Variants in FBXW7 observed in about 807,000 individuals in gnomAD.
The protein encoded by FBXW7 is F-box and WD repeat domain containing 7.
FBXW7 carries 11 observed loss-of-function variants against 86.3 expected under a neutral mutation model. The ratio of observed to expected loss-of-function variants is 0.13; its 90% CI spans 0.08 to 0.21. The LOEUF (loss-of-function observed/expected upper bound fraction) is 0.21, where lower values mean the gene tolerates loss of function less well. Ranked by LOEUF, FBXW7 falls within the 10% of genes least tolerant of loss-of-function variation. The pLI is 1.00. For synonymous variants in FBXW7, 313 were observed against 297.9 expected (o/e 1.05, Z -0.52); for missense variants, 488 against 847.4 (o/e 0.58, Z 5.27).
At chr4:152,380,691 T>C (rs1385200954) in intron 4 of FBXW7, among the ~76,000 whole-genome samples, 2 of 151,962 alleles carry the variant, frequency 1.3e-5, no homozygotes, top group Non-Finnish European at 2.9e-5. Context: ...AGACAGGAAA[T>C]ATATACTGTA....
intron 2 of FBXW7, among the ~76,000 whole-genome samples, chr4:152,446,923 C>T (rs1037850685): frequency 2.0e-5 from 3 of 152,114 alleles, no homozygotes; most frequent in Admixed American, 1.3e-4. Flanking sequence ...TCAGTGTTCA[C>T]AGAAGGGTTT....
chr4:152,338,591 T>C (rs1051223943), intron 6 of FBXW7, among the ~76,000 whole-genome samples: 3 of 152,118 alleles, frequency 2.0e-5, no homozygotes, highest in East Asian at 1.9e-4. Context: ...AGATACACTA[T>C]AAAAACACAA....
At chr4:152,402,557 A>G (rs147690287) in intron 4 of FBXW7, among the ~76,000 whole-genome samples, 1 of 152,210 alleles carries the variant, frequency 6.6e-6, no homozygotes, top group Non-Finnish European at 1.5e-5. Context: ...CAAAAGTACA[A>G]CCGGGACCCA....
intron 2 of FBXW7, among the ~76,000 whole-genome samples, chr4:152,521,334 T>C (rs1399173953): frequency 6.6e-6 from 1 of 152,082 alleles, no homozygotes; most frequent in Non-Finnish European, 1.5e-5. Flanking sequence ...GAGACAAATG[T>C]TTCCCAGATG....
At chr4:152,344,634 C>T (rs1440750132) in intron 6 of FBXW7, among the ~76,000 whole-genome samples, 1 of 151,436 alleles carries the variant, frequency 6.6e-6, no homozygotes, top group African/African-American at 2.4e-5. Flanking sequence ...AACATTTGGA[C>T]ATTTTATTTA....
intron 2 of FBXW7, among the ~76,000 whole-genome samples, chr4:152,445,526 A>C (rs1741290493): frequency 6.6e-6 from 1 of 152,188 alleles, no homozygotes; most frequent in African/African-American, 2.4e-5. Flanking sequence ...GATTTTTAGG[A>C]GTTGTAGAAC....
At chr4:152,405,137 T>C (rs2126855212) in intron 4 of FBXW7, among the ~76,000 whole-genome samples, 1 of 148,934 alleles carries the variant, frequency 6.7e-6, no homozygotes, top group East Asian at 2.0e-4. Flanking sequence ...ATGACAACTG[T>C]TCACATTACA....
intron 6 of FBXW7, among the ~76,000 whole-genome samples, chr4:152,344,589 T>C (rs1017661076): frequency 1.3e-5 from 2 of 152,078 alleles, no homozygotes; most frequent in East Asian, 1.9e-4. Context: ...AAAAAAACTA[T>C]GGTGTCTCAG....
chr4:152,401,308 G>C (rs1175457633), intron 4 of FBXW7, among the ~76,000 whole-genome samples: 1 of 152,182 alleles, frequency 6.6e-6, no homozygotes, highest in Admixed American at 6.5e-5. Context: ...TTTCACTAGG[G>C]AAGTGGATAA....
At chr4:152,532,275 T>C (rs1249880799) in intron 2 of FBXW7, among the ~76,000 whole-genome samples, 2 of 152,254 alleles carry the variant, frequency 1.3e-5, no homozygotes, top group Non-Finnish European at 2.9e-5. Context: ...ACTAAGCATC[T>C]TCTTTTTCAC....
chr4:152,326,494 T>G (rs975534543), intron 11 of FBXW7, among the ~76,000 whole-genome samples: 2 of 151,994 alleles, frequency 1.3e-5, no homozygotes, highest in Admixed American at 1.3e-4. Flanking sequence ...CACCTTAAGG[T>G]TCTGTGGGAC....
At chr4:152,431,589 A>C (rs1739893917) in intron 2 of FBXW7, among the ~76,000 whole-genome samples, 1 of 152,148 alleles carries the variant, frequency 6.6e-6, no homozygotes, top group Admixed American at 6.5e-5. Context: ...GATCTGGTCC[A>C]CTGGGGCCTA....
intron 4 of FBXW7, among the ~76,000 whole-genome samples, chr4:152,381,391 A>G (rs773282472): frequency 2.2e-4 from 33 of 152,258 alleles, no homozygotes; most frequent in Non-Finnish European, 2.5e-4. Context: ...ATATACACAA[A>G]TACACTCATT....
chr4:152,476,947 G>GT (rs902762746), intron 2 of FBXW7, among the ~76,000 whole-genome samples: 44 of 152,084 alleles, frequency 2.9e-4, no homozygotes, highest in African/African-American at 1.1e-3. Context: ...TTCAGATTCT[G>GT]TAAGAAGCTG....
intron 9 of FBXW7, 107 bp downstream of exon 9, chr4:152,330,625 T>C: frequency 4.3e-6 from 4 of 935,812 alleles, no homozygotes; most frequent in Non-Finnish European, 5.9e-6. Context: ...TACGGTTTTC[T>C]TTCTACAGAA....
intron 2 of FBXW7, among the ~76,000 whole-genome samples, chr4:152,487,011 T>C (rs1745406284): frequency 6.6e-6 from 1 of 152,162 alleles, no homozygotes; most frequent in African/African-American, 2.4e-5. Context: ...AGTGCATGAC[T>C]ACATAACAAT....
At chr4:152,497,735 C>G (rs1560970049) in intron 2 of FBXW7, among the ~76,000 whole-genome samples, 1 of 152,030 alleles carries the variant, frequency 6.6e-6, no homozygotes, top group South Asian at 2.1e-4. Context: ...TAAAGTGGCA[C>G]CTGAACCCTG....
At chr4:152,442,214 T>C (rs547099577) in intron 2 of FBXW7, among the ~76,000 whole-genome samples, 1 of 152,190 alleles carries the variant, frequency 6.6e-6, no homozygotes, top group African/African-American at 2.4e-5. Context: ...CTCAGGGTAT[T>C]ATATGCTTTC....
chr4:152,390,435 T>C (rs1735900594), intron 4 of FBXW7, among the ~76,000 whole-genome samples: 1 of 152,080 alleles, frequency 6.6e-6, no homozygotes, highest in Non-Finnish European at 1.5e-5. Context: ...GCTGTTAAAA[T>C]GGCCTTACAC....
Sources: allele counts gnomAD v4.1 joint callset (sites outside exome capture counted in the v4.1 genomes callset), GRCh38; gene constraint gnomAD v4.1.1; transcripts MANE v1.5; gene names NCBI Gene and HGNC (gene_info 2026-07-23, HGNC 2026-07-21).